Variants in FOLR2 observed in about 807,000 individuals in gnomAD.
FOLR2 encodes folate receptor 2 (fetal).
A neutral mutation model predicts 20.4 loss-of-function variants in FOLR2; 14 were observed. The ratio of observed to expected loss-of-function variants is 0.68; its 90% confidence interval spans 0.45 to 1.07. The LOEUF is 1.07. Ranked by LOEUF, FOLR2 falls within the 50% of genes least tolerant of loss-of-function variation. The probability of loss-of-function intolerance (pLI) is 0.00; values close to 1 mark genes in which losing one functional copy is unlikely to be tolerated. For synonymous variants in FOLR2, 114 were observed against 114.3 expected, an observed-to-expected ratio of 1.00 and a Z score of 0.02; for missense variants, 269 against 322.6, an observed-to-expected ratio of 0.83 and a Z score of 1.27.
chr11:72,221,794 T>C lies in FOLR2; in HGVS notation c.*32T>C. 6.3e-7 allele frequency: 1 copy of C among 1,596,532 alleles called. No homozygotes were observed. Among genetic ancestry groups the C allele is most frequent in the Non-Finnish European group, 8.6e-7 (1 of 1,168,392 alleles). On this transcript the variant is annotated 3_prime_UTR_variant, in exon 5 of 5. Coordinates refer to ENST00000298223, the MANE Select transcript of FOLR2 (RefSeq NM_000803.5). ...TCCTCCCAGACTACCTGCCCTCAGC[T>C]TGGATAACCAGGCTGGGCTCAGCTC...
In FOLR2 at chr11:72,220,911, C is replaced by T; in HGVS notation, c.192C>T (p.Thr64=). The change falls in exon 3 of 5, where the codon ACC becomes ACT. Residue 64 remains threonine, a synonymous_variant. Coordinates refer to ENST00000298223, the MANE Select transcript of FOLR2 (RefSeq NM_000803.5). ...WKKNACCTAS[T]SQELHKDTSR... Reference sequence around the variant, plus strand: ...AGAATGCCTGCTGCACAGCCAGCACCAGCCAGGAGCTGCACAAGGACACCT... The same window carrying T: ...AGAATGCCTGCTGCACAGCCAGCACTAGCCAGGAGCTGCACAAGGACACCT... 1 of 1,613,978 alleles carries T rather than the reference C, an allele frequency of 6.2e-7. No homozygotes were observed. Among genetic ancestry groups the T allele is most frequent in the East Asian group, 2.2e-5 (1 of 44,884 alleles).
chr11:72,216,980 T>C (rs1476247244), intron 1 of FOLR2, 55 bp downstream of exon 1: 1 of 1,560,706 alleles, frequency 6.4e-7, no homozygotes, highest in Non-Finnish European at 8.7e-7. Flanking sequence ...ACTTGGAGAG[T>C]TTGTGCAGAG....
chr11:72,216,828 G>A lies in FOLR2; in HGVS notation c.-122G>A. On this transcript the variant is annotated 5_prime_UTR_variant, in exon 1 of 5. Transcript: ENST00000298223. ...TGTCTACCCTGTACCGAAGACAGAG[G>A]CTGTGGGGACAGCCTAGGGGCCTGG... is the stretch of plus-strand genomic sequence containing the variant. 6.6e-7 allele frequency: 1 copy of A among 1,511,048 alleles called. No homozygotes were observed. The highest frequency in any genetic ancestry group is 1.1e-5 in the South Asian group (1 of 88,968). 93.6% of individuals were successfully genotyped at this position (1,511,048 alleles called of 1,614,324 possible).
At position 72,221,522 on chromosome 11, in the gene FOLR2, C is replaced by T; in HGVS notation, c.528C>T (p.Phe176=). 1 of 1,613,972 alleles carries T rather than the reference C, an allele frequency of 6.2e-7. No individual in the cohort carries two copies. The highest frequency in any genetic ancestry group is 2.2e-5 in the East Asian group (1 of 44,886). Residue 176 remains phenylalanine, a synonymous_variant, in exon 5 of 5, where the codon TTC becomes TTT. Transcript: ENST00000298223. ...TCTGCCGCACCTTTGAGTCCTACTTCCCCACTCCAGCTGCCCTTTGTGAAG... is the reference window on the plus strand; with the variant it reads ...TCTGCCGCACCTTTGAGTCCTACTTTCCCACTCCAGCTGCCCTTTGTGAAG... ...GALCRTFESY[F]PTPAALCEGL... is the part of the protein sequence containing the mutation.
chr11:72,219,709 T>C (rs1236576597), intron 2 of FOLR2, among the ~76,000 whole-genome samples: 1 of 152,166 alleles, frequency 6.6e-6, no homozygotes, highest in African/African-American at 2.4e-5. Context: ...ATAATTCTAG[T>C]AGAATAAACC....
At chr11:72,221,402 G>C in intron 4 of FOLR2, 68 bp from the exon 5 acceptor site, 1 of 1,595,384 alleles carries the variant, frequency 6.3e-7, no homozygotes, top group Non-Finnish European at 8.6e-7. Context: ...AAGATTTCTG[G>C]GGGTGGCCAG....
At chr11:72,217,939 G>T (rs972180193) in intron 1 of FOLR2, among the ~76,000 whole-genome samples, 3 of 152,174 alleles carry the variant, frequency 2.0e-5, no homozygotes, top group Non-Finnish European at 4.4e-5. Flanking sequence ...GAGGAGGCTG[G>T]AAAGGAAAAT....
intron 1 of FOLR2, among the ~76,000 whole-genome samples, chr11:72,218,162 T>C (rs1054265597): frequency 1.3e-5 from 2 of 152,166 alleles, no homozygotes; most frequent in Non-Finnish European, 2.9e-5. Flanking sequence ...AGGTGATCTA[T>C]CATCTAACCA....
In FOLR2 at chr11:72,216,847, GGCCTGGATCTATT is replaced by G; in HGVS notation, c.-98_-86del. 2 of 1,589,604 alleles carry G rather than the reference GGCCTGGATCTATT, an allele frequency of 1.3e-6. No homozygotes were observed. The highest frequency in any genetic ancestry group is 1.7e-6 in the Non-Finnish European group (2 of 1,171,106). On this transcript the variant is annotated 5_prime_UTR_variant, in exon 1 of 5. Coordinates refer to ENST00000298223, the MANE Select transcript of FOLR2 (RefSeq NM_000803.5). The stretch of plus-strand genomic sequence containing the variant: ...ACAGAGGCTGTGGGGACAGCCTAGG[GGCCTGGATCTATT>G]GCCTACTTAGAGAGAGGCCAACTCA...
At position 72,221,067 on chromosome 11, in the gene FOLR2, T is replaced by TCGGGGGGGGGGGCCGCCCCCC; in HGVS notation, c.339+10_339+11insGGGGGGGGGGGCCGCCCCCCC. The TCGGGGGGGGGGGCCGCCCCCC allele has an allele frequency of 6.4e-7, 1 of 1,570,118 alleles. No homozygotes were observed. The highest frequency in any genetic ancestry group is 8.7e-7 in the Non-Finnish European group (1 of 1,154,914). On this transcript the variant is annotated intron_variant, in intron 3 of 4. Coordinates refer to ENST00000298223, the MANE Select transcript of FOLR2 (RefSeq NM_000803.5). Reference sequence around the variant, plus strand: ...GGCCCTGGATCCAGCAGGTAGGGTGTCTCCCCCCCACCCACCCCAGCAGAC... The same window carrying TCGGGGGGGGGGGCCGCCCCCC: ...GGCCCTGGATCCAGCAGGTAGGGTGTCGGGGGGGGGGGCCGCCCCCCCTCCCCCCCACCCACCCCAGCAGAC...
intron 1 of FOLR2, chr11:72,217,271 C>A: frequency 1.2e-6 from 1 of 820,940 alleles, no homozygotes; most frequent in Non-Finnish European, 1.8e-6. Context: ...GATCCACCCA[C>A]CTCGGCCTCC....
At chr11:72,216,983 G>C in intron 1 of FOLR2, 58 bp downstream of exon 1, 1 of 1,528,590 alleles carries the variant, frequency 6.5e-7, no homozygotes, top group South Asian at 1.1e-5. Context: ...TGGAGAGTTT[G>C]TGCAGAGGGG....
chr11:72,221,067 T>TCGGGGGGGCGGCCCCCCCCCCCCCC lies in FOLR2; in HGVS notation c.339+10_339+11insGGGGGGGCGGCCCCCCCCCCCCCCC. 1 of 1,570,120 alleles carries TCGGGGGGGCGGCCCCCCCCCCCCCC rather than the reference T, an allele frequency of 6.4e-7. No individual in the cohort carries two copies. Among genetic ancestry groups the TCGGGGGGGCGGCCCCCCCCCCCCCC allele is most frequent in the Non-Finnish European group, 8.7e-7 (1 of 1,154,916 alleles). On this transcript the variant is annotated intron_variant, in intron 3 of 4. Coordinates refer to ENST00000298223, the MANE Select transcript of FOLR2 (RefSeq NM_000803.5). ...GGCCCTGGATCCAGCAGGTAGGGTG[T>TCGGGGGGGCGGCCCCCCCCCCCCCC]CTCCCCCCCACCCACCCCAGCAGAC...
chr11:72,221,076 C>T lies in FOLR2; in HGVS notation c.339+18C>T, dbSNP rs2508202. On this transcript the variant is annotated intron_variant, in intron 3 of 4. Coordinates refer to ENST00000298223, the MANE Select transcript of FOLR2 (RefSeq NM_000803.5). Reference sequence around the variant, plus strand: ...TCCAGCAGGTAGGGTGTCTCCCCCCCACCCACCCCAGCAGACTGCCATCCC... The same window carrying T: ...TCCAGCAGGTAGGGTGTCTCCCCCCTACCCACCCCAGCAGACTGCCATCCC... The T allele has an allele frequency of 3.9e-5, 30 of 762,420 alleles. No individual in the cohort carries two copies. The highest frequency in any genetic ancestry group is 1.5e-4 in the African/African-American group (8 of 54,526). The allele number at this position is 762,420 out of a possible 1,614,324, so 47.2% of individuals were successfully genotyped here. A position where few individuals can be genotyped will look rare whatever the true frequency, so the allele number is the denominator to read the frequency against.
Position 72,221,070 on chromosome 11 carries a change from C to CCCCCCCCCA in FOLR2, c.339+18_339+19insCCACCCCCC. ...CCTGGATCCAGCAGGTAGGGTGTCT[C>CCCCCCCCCA]CCCCCCACCCACCCCAGCAGACTGC... is the stretch of plus-strand genomic sequence containing the variant. On this transcript the variant is annotated intron_variant, in intron 3 of 4. Transcript: ENST00000298223. The CCCCCCCCCA allele has an allele frequency of 2.3e-6, 1 of 427,114 alleles. No homozygotes were observed. Among genetic ancestry groups the CCCCCCCCCA allele is most frequent in the Non-Finnish European group, 3.8e-6 (1 of 265,902 alleles). 26.5% of individuals were successfully genotyped at this position (427,114 alleles called of 1,614,324 possible).
Position 72,221,911 on chromosome 11 carries a change from G to T in FOLR2, c.*149G>T. 1.4e-6 allele frequency: 1 copy of T among 690,088 alleles called. No individual in the cohort carries two copies. The highest frequency in any genetic ancestry group is 2.4e-6 in the Non-Finnish European group (1 of 415,976). The allele number at this position is 690,088 out of a possible 1,614,324, so 42.7% of individuals were successfully genotyped here. A position where few individuals can be genotyped will look rare whatever the true frequency, so the allele number is the denominator to read the frequency against. On this transcript the variant is annotated 3_prime_UTR_variant, in exon 5 of 5. Transcript: ENST00000298223. The stretch of plus-strand genomic sequence containing the variant: ...TGTTGCTGCTCCATGGTGGGGCCAA[G>T]AGTCACTTCTAATAAACAGACTGTT...
At position 72,221,494 on chromosome 11, in the gene FOLR2, C is replaced by A; in HGVS notation, c.500C>A (p.Ala167Asp). The A allele has an allele frequency of 6.2e-7, 1 of 1,613,890 alleles. No individual in the cohort carries two copies. Among genetic ancestry groups the A allele is most frequent in the Non-Finnish European group, 8.5e-7 (1 of 1,179,854 alleles). ...TSGVNKCPAGALCRTFESYFP... is the reference protein window; with the variant it reads ...TSGVNKCPAGDLCRTFESYFP... ...GGAGTTAACAAGTGCCCAGCTGGGG[C>A]TCTCTGCCGCACCTTTGAGTCCTAC... Residue 167 changes from alanine (A) to aspartate (D), a missense_variant, in exon 5 of 5, where the codon GCT becomes GAT. Ala to Asp is a moderately radical substitution (Grantham distance 126). Coordinates refer to ENST00000298223, the MANE Select transcript of FOLR2 (RefSeq NM_000803.5).
chr11:72,221,067 T>TCGGGGGGGGGGGC lies in FOLR2; in HGVS notation c.339+10_339+11insGGGGGGGGGGGCC. 66 of 1,569,284 alleles carry TCGGGGGGGGGGGC rather than the reference T, an allele frequency of 4.2e-5. No homozygotes were observed. The highest frequency in any genetic ancestry group is 5.4e-5 in the Non-Finnish European group (62 of 1,154,148). On this transcript the variant is annotated intron_variant, in intron 3 of 4. Coordinates refer to ENST00000298223, the MANE Select transcript of FOLR2 (RefSeq NM_000803.5). ...GGCCCTGGATCCAGCAGGTAGGGTG[T>TCGGGGGGGGGGGC]CTCCCCCCCACCCACCCCAGCAGAC...
chr11:72,218,243 A>G (rs1003513634), intron 1 of FOLR2, among the ~76,000 whole-genome samples: 1 of 152,230 alleles, frequency 6.6e-6, no homozygotes, highest in African/African-American at 2.4e-5. Flanking sequence ...CAGAGGATAG[A>G]CCTGAAGAAT....
Sources: allele counts gnomAD v4.1 joint callset (sites outside exome capture counted in the v4.1 genomes callset), GRCh38; gene constraint gnomAD v4.1.1; transcripts MANE v1.5; gene names NCBI Gene and HGNC (gene_info 2026-07-23, HGNC 2026-07-21).